The following STX8 variants were observed in gnomAD, a reference collection of about 807,000 sequenced individuals.
The protein encoded by STX8 is syntaxin-8.
A neutral mutation model predicts 37.5 loss-of-function variants in STX8; 23 were observed. That is an observed-to-expected ratio of 0.61 (90% confidence interval 0.44 to 0.87). The LOEUF (loss-of-function observed/expected upper bound fraction) is 0.87. Ranked by LOEUF, STX8 falls within the 40% of genes least tolerant of loss-of-function variation. The pLI, the probability that STX8 is intolerant of heterozygous loss-of-function variation, is 0.00. For synonymous variants in STX8, 115 were observed against 99.1 expected, an observed-to-expected ratio of 1.16 and a Z score of -0.95; for missense variants, 313 against 284.7, an observed-to-expected ratio of 1.10 and a Z score of -0.71.
chr17:9,272,372 T>C (rs1907497146), intron 7 of STX8, among the ~76,000 whole-genome samples: 1 of 152,222 alleles, frequency 6.6e-6, no homozygotes, highest in Non-Finnish European at 1.5e-5. Flanking sequence ...AGGGAGTGGC[T>C]GGTAGGATTT....
chr17:9,299,807 G>T (rs528127198), intron 7 of STX8, among the ~76,000 whole-genome samples: 1 of 152,162 alleles, frequency 6.6e-6, no homozygotes, highest in East Asian at 1.9e-4. Context: ...TAGAGTTACC[G>T]CTGTGTCTAG....
rs1330098750 is a variant in STX8 at position 9,264,714 on chromosome 17, C to A, written c.644-14069G>T. On this transcript the variant is annotated intron_variant, in intron 7 of 7. Coordinates refer to ENST00000306357, the MANE Select transcript of STX8 (RefSeq NM_004853.3). ...ACAAGAAGGCAAATCCTTTTCTGGG[C>A]ATTTCTAGTGAACTAGTAATGCTTC... Among the ~76,000 whole-genome samples, 5 of 152,182 alleles carry A rather than the reference C, an allele frequency of 3.3e-5. No homozygotes were observed. In the East Asian group the frequency reaches 5.8e-4, roughly 18 times the overall value.
intron 1 of STX8, among the ~76,000 whole-genome samples, chr17:9,570,128 T>G (rs1907625342): frequency 6.6e-6 from 1 of 152,170 alleles, no homozygotes; most frequent in Non-Finnish European, 1.5e-5. Context: ...TCCTAATTTT[T>G]GCTTGAGTAA....
At chr17:9,432,452 C>T (rs1435331851) in intron 6 of STX8, among the ~76,000 whole-genome samples, 1 of 152,012 alleles carries the variant, frequency 6.6e-6, no homozygotes, top group East Asian at 1.9e-4. Flanking sequence ...TTTAACATCT[C>T]CCGATTTCCA....
At chr17:9,493,126 G>T (rs1004372992) in intron 5 of STX8, among the ~76,000 whole-genome samples, 1 of 150,716 alleles carries the variant, frequency 6.6e-6, no homozygotes, top group Non-Finnish European at 1.5e-5. Context: ...AGCTAGGCAC[G>T]ATGGCATGTA....
intron 7 of STX8, among the ~76,000 whole-genome samples, chr17:9,267,375 TG>T (rs1164474535): frequency 6.6e-6 from 1 of 152,220 alleles, no homozygotes; most frequent in Non-Finnish European, 1.5e-5. Flanking sequence ...AAATTGTTCT[TG>T]CTACCAACGT....
chr17:9,365,499 A>T (rs1264843034), intron 7 of STX8, among the ~76,000 whole-genome samples: 3 of 152,272 alleles, frequency 2.0e-5, no homozygotes, highest in African/African-American at 4.8e-5. Context: ...GCAGGCAATC[A>T]AGAGAAACTA....
At chr17:9,430,789 A>T (rs2142370616) in intron 6 of STX8, among the ~76,000 whole-genome samples, 1 of 151,946 alleles carries the variant, frequency 6.6e-6, no homozygotes, top group African/African-American at 2.4e-5. Flanking sequence ...AGCTGGGACT[A>T]CAGGCGACCG....
intron 4 of STX8, among the ~76,000 whole-genome samples, chr17:9,541,078 C>T (rs1906258690): frequency 6.6e-6 from 1 of 152,214 alleles, no homozygotes; most frequent in Non-Finnish European, 1.5e-5. Flanking sequence ...AAAAAACCAC[C>T]TGACACTAAC....
intron 4 of STX8, among the ~76,000 whole-genome samples, chr17:9,506,662 G>GC (rs1217669958): frequency 6.6e-6 from 1 of 152,010 alleles, no homozygotes; most frequent in South Asian, 2.1e-4. Context: ...ATTCCCACCT[G>GC]CCCCCACTGC....
At chr17:9,401,799 A>G (rs1236097234) in intron 6 of STX8, among the ~76,000 whole-genome samples, 3 of 152,220 alleles carry the variant, frequency 2.0e-5, no homozygotes, top group Non-Finnish European at 4.4e-5. Context: ...AGAAAGCCAA[A>G]GTTAACCATG....
chr17:9,432,569 G>A (rs1478995971), intron 6 of STX8, among the ~76,000 whole-genome samples: 1 of 152,106 alleles, frequency 6.6e-6, no homozygotes, highest in African/African-American at 2.4e-5. Context: ...TAAAAGATGA[G>A]GAAGCAATTT....
At chr17:9,563,156 T>G (rs537858796) in intron 2 of STX8, among the ~76,000 whole-genome samples, 1 of 51,610 alleles carries the variant, frequency 1.9e-5, no homozygotes, top group African/African-American at 7.9e-5. Flanking sequence ...TTCATCCATT[T>G]ATTTATTTAT....
chr17:9,476,225 T>C (rs896089575), intron 6 of STX8, among the ~76,000 whole-genome samples: 3 of 152,114 alleles, frequency 2.0e-5, no homozygotes, highest in Admixed American at 2.0e-4. Context: ...AGAAAGCCTA[T>C]TGCAGCTACC....
chr17:9,338,045 A>G (rs933430499), intron 7 of STX8, among the ~76,000 whole-genome samples: 5 of 132,056 alleles, frequency 3.8e-5, no homozygotes, highest in Admixed American at 2.9e-4. Flanking sequence ...GCACCTCTGA[A>G]GGATTTTTTT....
intron 6 of STX8, among the ~76,000 whole-genome samples, chr17:9,444,012 A>C (rs1031527600): frequency 1.3e-5 from 2 of 152,114 alleles, no homozygotes; most frequent in African/African-American, 4.8e-5. Context: ...CATCGTGTTC[A>C]TTCATACCTA....
At chr17:9,439,746 G>A (rs538982990) in intron 6 of STX8, among the ~76,000 whole-genome samples, 3 of 151,954 alleles carry the variant, frequency 2.0e-5, no homozygotes, top group South Asian at 4.2e-4. Context: ...TGCCTGCCTC[G>A]GCCTCTCAAA....
At chr17:9,262,729 G>A (rs532522862) in intron 7 of STX8, among the ~76,000 whole-genome samples, 14 of 151,904 alleles carry the variant, frequency 9.2e-5, no homozygotes, top group East Asian at 5.8e-4. Flanking sequence ...CTACAGGTGC[G>A]TGCCAACATG....
intron 7 of STX8, among the ~76,000 whole-genome samples, chr17:9,306,785 A>G (rs912484636): frequency 2.0e-5 from 3 of 151,744 alleles, no homozygotes; most frequent in African/African-American, 7.3e-5. Flanking sequence ...ACAAACAAAA[A>G]CAAATAAGGA....
Sources: allele counts gnomAD v4.1 joint callset (sites outside exome capture counted in the v4.1 genomes callset), GRCh38; gene constraint gnomAD v4.1.1; transcripts MANE v1.5; gene names NCBI Gene and HGNC (gene_info 2026-07-23, HGNC 2026-07-21).